GLI2: variants seen among roughly 807,000 people sequenced by gnomAD.
GLI2 encodes GLI family zinc finger 2, also known as transcription activator GLI2.
In GLI2, 22 loss-of-function variants were observed where a neutral mutation model predicts 78.9. The observed-to-expected ratio is 0.28, with a 90% CI of 0.20 to 0.40. GLI2 has a LOEUF of 0.40. GLI2 is among the 10% of genes least tolerant of loss of function. The pLI, the probability that GLI2 is intolerant of heterozygous loss-of-function variation, is 1.00. For synonymous variants in GLI2, 974 were observed against 963.7 expected (o/e 1.01, Z -0.20); for missense variants, 2,097 against 2,213.2 (o/e 0.95, Z 1.05).
chr2:120,838,194 T>C (rs1404840335), intron 2 of GLI2, among the ~76,000 whole-genome samples: 1 of 152,200 alleles, frequency 6.6e-6, no homozygotes, highest in African/African-American at 2.4e-5. Flanking sequence ...TACACATTTT[T>C]TGTTACATTT....
At chr2:120,762,712 C>A (rs1573353246) in intron 1 of GLI2, among the ~76,000 whole-genome samples, 1 of 152,150 alleles carries the variant, frequency 6.6e-6, no homozygotes, top group Admixed American at 6.5e-5. Context: ...GGCCCTGGCC[C>A]CTGTCTTCGA....
intron 2 of GLI2, among the ~76,000 whole-genome samples, chr2:120,926,539 CT>C (rs1679686671): frequency 6.6e-6 from 1 of 152,188 alleles, no homozygotes; most frequent in Admixed American, 6.5e-5. Context: ...CTTCTTAGCC[CT>C]TTTCCCAGTA....
At chr2:120,975,959 C>G (rs3768697) in intron 9 of GLI2, among the ~76,000 whole-genome samples, 48,577 of 151,676 alleles carry the variant, frequency 0.32, 8,086 homozygotes, top group East Asian at 0.51. Flanking sequence ...GCACTTAGTG[C>G]CTTGCAGACA....
At chr2:120,875,783 C>A (rs1276668074) in intron 2 of GLI2, among the ~76,000 whole-genome samples, 1 of 150,996 alleles carries the variant, frequency 6.6e-6, no homozygotes, top group Non-Finnish European at 1.5e-5. Flanking sequence ...AGAGCCAGGA[C>A]TAAAAGATGA....
At chr2:120,930,998 C>T (rs1382952976) in intron 3 of GLI2, among the ~76,000 whole-genome samples, 2 of 152,242 alleles carry the variant, frequency 1.3e-5, no homozygotes, top group Non-Finnish European at 2.9e-5. Context: ...GCCAGAGGCC[C>T]ACAGAAATGG....
At chr2:120,973,356 C>A (rs1246623967) in intron 8 of GLI2, among the ~76,000 whole-genome samples, 1 of 152,226 alleles carries the variant, frequency 6.6e-6, no homozygotes. Context: ...CACCTGGGAG[C>A]CCCATGGCCA....
chr2:120,896,361 G>A (rs1335842433), intron 2 of GLI2, among the ~76,000 whole-genome samples: 1 of 152,178 alleles, frequency 6.6e-6, no homozygotes, highest in Non-Finnish European at 1.5e-5. Flanking sequence ...GGGTCCAGAG[G>A]GAGCCCAGAG....
Position 120,990,390 on chromosome 2 carries a change from G to T in GLI2, c.4425G>T (p.Gly1475=), listed in dbSNP as rs1413998697. Residue 1475 remains glycine, a synonymous_variant, in exon 14 of 14, where the codon GGG becomes GGT. Coordinates refer to ENST00000361492, the MANE Select transcript of GLI2 (RefSeq NM_001374353.1). ...SIQPQPLPSP[G]VNQVSSTVDS... The stretch of plus-strand genomic sequence containing the variant: ...AGCCCCAGCCCTTGCCCTCACCAGG[G>T]GTCAACCAGGTGTCCAGCACTGTGG... 2 of 1,614,046 alleles carry T rather than the reference G, an allele frequency of 1.2e-6. No homozygotes were observed. Among genetic ancestry groups the T allele is most frequent in the Non-Finnish European group, 1.7e-6 (2 of 1,180,004 alleles).
intron 3 of GLI2, among the ~76,000 whole-genome samples, chr2:120,927,854 C>G (rs987564229): frequency 6.6e-6 from 1 of 152,166 alleles, no homozygotes; most frequent in African/African-American, 2.4e-5. Context: ...TTTTTCACTT[C>G]TTCAAGTGTC....
chr2:120,865,681 C>T (rs1688095950), intron 2 of GLI2, among the ~76,000 whole-genome samples: 1 of 152,206 alleles, frequency 6.6e-6, no homozygotes, highest in Non-Finnish European at 1.5e-5. Flanking sequence ...GTCGCTGAAG[C>T]AGCGTCTGGT....
At chr2:120,883,712 T>C (rs371016201) in intron 2 of GLI2, among the ~76,000 whole-genome samples, 2 of 152,184 alleles carry the variant, frequency 1.3e-5, no homozygotes, top group Non-Finnish European at 2.9e-5. Flanking sequence ...ATAGCTCAGA[T>C]CTGAACCCAC....
chr2:120,955,550 C>A, intron 5 of GLI2, 120 bp downstream of exon 5: 1 of 657,554 alleles, frequency 1.5e-6, no homozygotes, highest in Non-Finnish European at 2.6e-6. Flanking sequence ...GGCTGTACCC[C>A]AATGCCTTCC....
chr2:120,856,796 C>T (rs1413347698), intron 2 of GLI2, among the ~76,000 whole-genome samples: 1 of 152,166 alleles, frequency 6.6e-6, no homozygotes, highest in Non-Finnish European at 1.5e-5. Flanking sequence ...TCTGAAGAAG[C>T]CTCGTGTGGC....
At chr2:120,762,969 G>C (rs923337865) in intron 1 of GLI2, among the ~76,000 whole-genome samples, 5 of 152,242 alleles carry the variant, frequency 3.3e-5, no homozygotes, top group African/African-American at 1.2e-4. Flanking sequence ...GCCAAGGTTA[G>C]GGGTTGGCAG....
At chr2:120,919,770 G>C (rs906572164) in intron 2 of GLI2, among the ~76,000 whole-genome samples, 2 of 152,234 alleles carry the variant, frequency 1.3e-5, no homozygotes, top group Admixed American at 6.5e-5. Context: ...GGAACCAAAG[G>C]CCTCATGCGC....
chr2:120,939,432 A>G (rs1253574439), intron 3 of GLI2, among the ~76,000 whole-genome samples: 1 of 152,086 alleles, frequency 6.6e-6, no homozygotes, highest in African/African-American at 2.4e-5. Context: ...GGTCCTCCCC[A>G]TCCCACCATT....
At chr2:120,955,102 G>A in intron 4 of GLI2, 143 bp from the exon 5 acceptor site, 1 of 678,938 alleles carries the variant, frequency 1.5e-6, no homozygotes, top group South Asian at 1.7e-5. Flanking sequence ...GGGCAGTGGG[G>A]GAAAATGCCG....
intron 2 of GLI2, among the ~76,000 whole-genome samples, chr2:120,883,722 C>A (rs1458287590): frequency 6.6e-6 from 1 of 152,170 alleles, no homozygotes; most frequent in African/African-American, 2.4e-5. Context: ...TCTGAACCCA[C>A]TTCTGTCATC....
intron 3 of GLI2, among the ~76,000 whole-genome samples, chr2:120,929,055 C>T (rs1679826090): frequency 6.6e-6 from 1 of 152,192 alleles, no homozygotes; most frequent in African/African-American, 2.4e-5. Context: ...TTTTGTCTTT[C>T]ATGACCTTGG....
Sources: allele counts gnomAD v4.1 joint callset (sites outside exome capture counted in the v4.1 genomes callset), GRCh38; gene constraint gnomAD v4.1.1; transcripts MANE v1.5; gene names NCBI Gene and HGNC (gene_info 2026-07-23, HGNC 2026-07-21).